The following CADPS2 variants were observed in gnomAD, a reference collection of about 807,000 sequenced individuals.
The protein encoded by CADPS2 is calcium dependent secretion activator 2.
In CADPS2, 93 loss-of-function variants were observed where a neutral mutation model predicts 172.5. The ratio of observed to expected loss-of-function variants is 0.54; its 90% CI spans 0.46 to 0.64. CADPS2 has a LOEUF of 0.64. CADPS2 is among the 30% of genes least tolerant of loss of function. The pLI is 0.00. For missense variants in CADPS2, 1,420 were observed against 1,565.9 expected (o/e 0.91, Z 1.57); for synonymous variants, 546 against 555.2 (o/e 0.98, Z 0.23).
At chr7:122,863,755 T>TTATAG (rs1414742945) in intron 1 of CADPS2, among the ~76,000 whole-genome samples, 17 of 152,180 alleles carry the variant, frequency 1.1e-4, no homozygotes, top group African/African-American at 3.6e-4. Flanking sequence ...ATAAGCCAGG[T>TTATAG]GCAGTGGCTC....
intron 2 of CADPS2, among the ~76,000 whole-genome samples, chr7:122,715,282 C>T (rs2089427703): frequency 6.6e-6 from 1 of 152,106 alleles, no homozygotes; most frequent in African/African-American, 2.4e-5. Flanking sequence ...ACTATAAGCA[C>T]TGTAATGCCT....
chr7:122,537,753 C>T (rs749324203), intron 8 of CADPS2, among the ~76,000 whole-genome samples: 3 of 150,704 alleles, frequency 2.0e-5, no homozygotes, highest in South Asian at 2.1e-4. Context: ...TTAAGAGAGA[C>T]GAAATTAATA....
chr7:122,743,256 A>C (rs1049491187), intron 1 of CADPS2, among the ~76,000 whole-genome samples: 1 of 152,248 alleles, frequency 6.6e-6, no homozygotes, highest in Non-Finnish European at 1.5e-5. Context: ...CATCCACAAT[A>C]ATAACTGCCA....
intron 1 of CADPS2, among the ~76,000 whole-genome samples, chr7:122,870,078 T>G (rs890517170): frequency 5.9e-5 from 9 of 151,760 alleles, no homozygotes; most frequent in Non-Finnish European, 2.9e-5. Flanking sequence ...TTAACAAAAT[T>G]TAATAGTAAA....
intron 1 of CADPS2, among the ~76,000 whole-genome samples, chr7:122,858,493 T>C (rs997149899): frequency 1.8e-4 from 28 of 152,174 alleles, no homozygotes; most frequent in African/African-American, 6.3e-4. Flanking sequence ...TGTATGACCT[T>C]ACTCAGATTG....
At chr7:122,725,856 C>G (rs546707684) in intron 2 of CADPS2, among the ~76,000 whole-genome samples, 1 of 151,972 alleles carries the variant, frequency 6.6e-6, no homozygotes, top group Non-Finnish European at 1.5e-5. Context: ...ACAGGAAGTA[C>G]TTAAGAGCAA....
rs869246600 is a variant in CADPS2, at chr7:122,803,974, G to GAAAAAAAAAAA, written c.340-66917_340-66907dup. On this transcript the variant is annotated intron_variant, in intron 1 of 29. Coordinates refer to ENST00000449022, the MANE Select transcript of CADPS2 (RefSeq NM_017954.11). ...GTCTTTTTAAAACCAGGCTTGAATG[G>GAAAAAAAAAAA]AAAAAAAAAAAAAAAAAAAAAAAAC... Among the ~76,000 whole-genome samples the GAAAAAAAAAAA allele has an allele frequency of 2.0e-3, 171 of 85,082 alleles. 4 individuals carry two copies. The highest frequency in any genetic ancestry group is 7.0e-3 in the African/African-American group (161 of 23,150). 55.8% of individuals were successfully genotyped at this position (85,082 alleles called of 152,430 possible). A position where few individuals can be genotyped will look rare whatever the true frequency, so the allele number is the denominator to read the frequency against.
chr7:122,521,440 T>C lies in CADPS2; in HGVS notation c.1476-8125A>G, dbSNP rs528438470. Among the ~76,000 whole-genome samples, 4 of 140,130 alleles carry C rather than the reference T, an allele frequency of 2.9e-5. No individual in the cohort carries two copies. In the East Asian group the frequency reaches 9.2e-4, roughly 32 times the overall value. 91.9% of individuals were successfully genotyped at this position (140,130 alleles called of 152,430 possible). A position where few individuals can be genotyped will look rare whatever the true frequency, so the allele number is the denominator to read the frequency against. ...TCTTCCTTTCACTACATTCTTTCTT[T>C]TATTTGACCCCACAAGATTAAGACT... On this transcript the variant is annotated intron_variant, in intron 8 of 29. Transcript: ENST00000449022.
chr7:122,820,563 T>G (rs185267328), intron 1 of CADPS2, among the ~76,000 whole-genome samples: 1,752 of 114,402 alleles, frequency 0.015, 138 homozygotes, highest in East Asian at 0.021. Context: ...TTTGTTTTTT[T>G]TTTTTTTTTT....
At chr7:122,794,763 A>AG (rs1796009162) in intron 1 of CADPS2, among the ~76,000 whole-genome samples, 1 of 151,992 alleles carries the variant, frequency 6.6e-6, no homozygotes, top group Non-Finnish European at 1.5e-5. Flanking sequence ...AAAAAAAAAA[A>AG]AAAACCCTTT....
At chr7:122,773,926 T>C (rs1260330979) in intron 1 of CADPS2, among the ~76,000 whole-genome samples, 3 of 152,024 alleles carry the variant, frequency 2.0e-5, no homozygotes, top group African/African-American at 7.2e-5. Flanking sequence ...GTTCTGACAA[T>C]AGACGAATTA....
intron 1 of CADPS2, among the ~76,000 whole-genome samples, chr7:122,796,391 G>A (rs1048212958): frequency 2.0e-5 from 3 of 151,928 alleles, no homozygotes; most frequent in Admixed American, 6.6e-5. Context: ...AATTCATATG[G>A]AGCCCAAATA....
In CADPS2 at chr7:122,627,167, T is replaced by C. The variant is rs551565522; in HGVS notation, c.867+2081A>G. On this transcript the variant is annotated intron_variant, in intron 4 of 29. Transcript: ENST00000449022. ...CCTCAGCCACTTATTTGTTATGTAA[T>C]CATGGTGAAATAAATAATCTTGTCT... 1.1e-4 allele frequency among the ~76,000 whole-genome samples: 16 copies of C among 152,326 alleles called. No homozygotes were observed. In the South Asian group the frequency reaches 2.7e-3, roughly 26 times the overall value.
chr7:122,857,273 T>G (rs760535429), intron 1 of CADPS2, among the ~76,000 whole-genome samples: 44 of 152,236 alleles, frequency 2.9e-4, no homozygotes, highest in Non-Finnish European at 8.8e-5. Context: ...TCTATTTCTT[T>G]TTTATGTTTC....
intron 24 of CADPS2, among the ~76,000 whole-genome samples, chr7:122,384,562 T>C (rs759122434): frequency 6.6e-5 from 10 of 152,132 alleles, no homozygotes; most frequent in Non-Finnish European, 1.5e-4. Context: ...TATGCAATTA[T>C]GTGGGTATGT....
rs781107188 is a variant in CADPS2 at position 122,869,431 on chromosome 7, A to G, written c.339+16568T>C. Among the ~76,000 whole-genome samples the G allele has an allele frequency of 2.6e-5, 4 of 152,118 alleles. No individual in the cohort carries two copies. In the South Asian group the frequency reaches 8.3e-4, roughly 31 times the overall value. ...CAGAAGTAAATGGGATAATATATTC[A>G]AAGAGCTAAAAGAAAAATAACAAAA... is the stretch of plus-strand genomic sequence containing the variant. On this transcript the variant is annotated intron_variant, in intron 1 of 29. Transcript: ENST00000449022.
At chr7:122,536,527 C>A (rs993746877) in intron 8 of CADPS2, among the ~76,000 whole-genome samples, 2 of 152,056 alleles carry the variant, frequency 1.3e-5, no homozygotes, top group African/African-American at 4.8e-5. Context: ...AGTACCCAAT[C>A]CATTGCATTT....
chr7:122,418,452 T>C (rs188268919), intron 17 of CADPS2, among the ~76,000 whole-genome samples: 1 of 152,310 alleles, frequency 6.6e-6, no homozygotes, highest in Non-Finnish European at 1.5e-5. Flanking sequence ...ATAAGTAGAC[T>C]AGATGACTAT....
intron 1 of CADPS2, among the ~76,000 whole-genome samples, chr7:122,771,492 A>C (rs925270120): frequency 5.3e-5 from 8 of 152,242 alleles, no homozygotes; most frequent in Non-Finnish European, 1.2e-4. Flanking sequence ...GGCACATTGA[A>C]TAAGATGAAT....
Sources: gnomAD v4.1 joint callset for allele counts (sites outside exome capture counted in the v4.1 genomes callset) on GRCh38, gnomAD v4.1.1 for gene constraint, MANE v1.5 for transcripts, NCBI Gene and HGNC (gene_info 2026-07-23, HGNC 2026-07-21) for gene names.